Variants in STARD13 observed in about 807,000 individuals in gnomAD.
The protein encoded by STARD13 is StAR related lipid transfer domain containing 13.
In STARD13, 62 loss-of-function variants were observed where a neutral mutation model predicts 106.4. The ratio of observed to expected loss-of-function variants is 0.58; its 90% CI spans 0.48 to 0.72. The LOEUF (loss-of-function observed/expected upper bound fraction) is 0.72. Among genes scored for constraint, STARD13 ranks in the 30% least tolerant of loss-of-function variants. The pLI is 0.00. For synonymous variants in STARD13, 565 were observed against 553.0 expected (o/e 1.02, Z -0.31); for missense variants, 1,387 against 1,424.0 (o/e 0.97, Z 0.42).
chr13:33,586,980 T>A, the STARD13 span, among the ~76,000 whole-genome samples: 7 of 152,176 alleles, frequency 4.6e-5, no homozygotes, highest in East Asian at 1.4e-3. Context: ...TTGGGAGGCC[T>A]AGGCGGCTGG....
At chr13:33,455,370 A>C in the STARD13 span, among the ~76,000 whole-genome samples, 3 of 152,232 alleles carry the variant, frequency 2.0e-5, no homozygotes, top group African/African-American at 7.2e-5. Context: ...TCTCTAACAC[A>C]AAAGGAAGTC....
the STARD13 span, among the ~76,000 whole-genome samples, chr13:33,478,309 G>A: frequency 6.6e-6 from 1 of 152,150 alleles, no homozygotes; most frequent in African/African-American, 2.4e-5. Flanking sequence ...CACCCACGAA[G>A]TCATATTGTT....
chr13:33,185,996 A>G (rs1431244658), intron 1 of STARD13: 3 of 1,614,214 alleles, frequency 1.9e-6, no homozygotes, highest in Admixed American at 3.3e-5. Flanking sequence ...TAACGTTTGC[A>G]TGGAGAACTG....
chr13:33,642,829 C>T, the STARD13 span, among the ~76,000 whole-genome samples: 37 of 129,382 alleles, frequency 2.9e-4, no homozygotes, highest in South Asian at 8.9e-3. Context: ...TGGGAACAAA[C>T]AAACAAACAT....
upstream of STARD13, among the ~76,000 whole-genome samples, chr13:33,289,160 C>G (rs935930723): frequency 1.3e-5 from 2 of 152,202 alleles, no homozygotes; most frequent in African/African-American, 4.8e-5. Flanking sequence ...GACACCATAT[C>G]TCTTCCTCTC....
At chr13:33,608,995 A>G in the STARD13 span, among the ~76,000 whole-genome samples, 1 of 149,322 alleles carries the variant, frequency 6.7e-6, no homozygotes. Flanking sequence ...CTGAGGCAGG[A>G]GAATGGCGTG....
the STARD13 span, among the ~76,000 whole-genome samples, chr13:33,379,942 G>A: frequency 6.6e-6 from 1 of 152,188 alleles, no homozygotes; most frequent in African/African-American, 2.4e-5. Context: ...AAATGAATAT[G>A]ATAAGGTCCC....
chr13:33,413,388 A>C, the STARD13 span, among the ~76,000 whole-genome samples: 1 of 152,106 alleles, frequency 6.6e-6, no homozygotes, highest in Non-Finnish European at 1.5e-5. Flanking sequence ...GGAGGCAAGC[A>C]GAAAGAAAGA....
the STARD13 span, among the ~76,000 whole-genome samples, chr13:33,635,110 G>C: frequency 6.6e-6 from 1 of 152,210 alleles, no homozygotes; most frequent in African/African-American, 2.4e-5. Flanking sequence ...AGTAAAGCCA[G>C]TTCTTGCCTT....
chr13:33,113,014 C>T, intron 8 of STARD13, 83 bp from the exon 9 acceptor site: 13 of 1,018,528 alleles, frequency 1.3e-5, no homozygotes, highest in Non-Finnish European at 1.7e-5. Context: ...CTCCACATTC[C>T]TCGTGTGAAC....
chr13:33,371,461 T>C, the STARD13 span, among the ~76,000 whole-genome samples: 2 of 152,244 alleles, frequency 1.3e-5, no homozygotes, highest in African/African-American at 2.4e-5. Flanking sequence ...AATTTCAACA[T>C]ATAATAAAGA....
At chr13:33,378,265 G>C in the STARD13 span, among the ~76,000 whole-genome samples, 9 of 152,112 alleles carry the variant, frequency 5.9e-5, no homozygotes, top group Admixed American at 4.6e-4. Flanking sequence ...CCAAGGCCAG[G>C]CTGAACGTCC....
intron 1 of STARD13, among the ~76,000 whole-genome samples, chr13:33,326,978 G>A (rs2077782956): frequency 1.3e-5 from 2 of 152,180 alleles, no homozygotes; most frequent in Non-Finnish European, 2.9e-5. Flanking sequence ...TGTATGCTAT[G>A]AAAACTGAGC....
At chr13:33,206,226 G>A (rs894352233) in intron 1 of STARD13, among the ~76,000 whole-genome samples, 2 of 152,110 alleles carry the variant, frequency 1.3e-5, no homozygotes, top group Non-Finnish European at 2.9e-5. Context: ...CACCCCCACC[G>A]CTAGTGTCAG....
At chr13:33,321,472 C>T (rs1304722526) in intron 1 of STARD13, among the ~76,000 whole-genome samples, 2 of 151,128 alleles carry the variant, frequency 1.3e-5, no homozygotes, top group Non-Finnish European at 2.9e-5. Flanking sequence ...TGCCACTGCA[C>T]TCCAGCCAGA....
chr13:33,520,508 C>G, the STARD13 span, among the ~76,000 whole-genome samples: 1 of 152,082 alleles, frequency 6.6e-6, no homozygotes, highest in South Asian at 2.1e-4. Flanking sequence ...GTGTTTTATA[C>G]TCCAAGACGT....
chr13:33,456,390 A>G, the STARD13 span, among the ~76,000 whole-genome samples: 1 of 152,070 alleles, frequency 6.6e-6, no homozygotes, highest in South Asian at 2.1e-4. Flanking sequence ...GAGTTTCACC[A>G]TGTTGGCCAG....
chr13:33,304,362 C>G (rs918610600), intron 1 of STARD13, among the ~76,000 whole-genome samples: 2 of 152,074 alleles, frequency 1.3e-5, no homozygotes, highest in African/African-American at 4.8e-5. Flanking sequence ...TTTTCAGATA[C>G]CAAAACACTT....
chr13:33,448,046 GTTA>G, the STARD13 span, among the ~76,000 whole-genome samples: 103 of 151,966 alleles, frequency 6.8e-4, 1 homozygote, highest in African/African-American at 2.3e-3. Context: ...CTAAATTATC[GTTA>G]TTATTATTAA....
Sources: gnomAD v4.1 joint callset for allele counts (sites outside exome capture counted in the v4.1 genomes callset) on GRCh38, gnomAD v4.1.1 for gene constraint, MANE v1.5 for transcripts, NCBI Gene and HGNC (gene_info 2026-07-23, HGNC 2026-07-21) for gene names.